Variants in RNF157 observed in about 807,000 individuals in gnomAD.
The protein encoded by RNF157 is E3 ubiquitin ligase RNF157.
In RNF157, 55 loss-of-function variants were observed where a neutral mutation model predicts 88.3. The ratio of observed to expected loss-of-function variants is 0.62; its 90% confidence interval spans 0.50 to 0.78. The LOEUF (loss-of-function observed/expected upper bound fraction) is 0.78. Ranked by LOEUF, RNF157 falls within the 30% of genes least tolerant of loss-of-function variation. The pLI is 0.00. For missense variants in RNF157, 788 were observed against 860.8 expected (o/e 0.92, Z 1.06); for synonymous variants, 334 against 341.2 (o/e 0.98, Z 0.23).
At chr17:76,239,995 C>T (rs2070350908) in intron 1 of RNF157, among the ~76,000 whole-genome samples, 158 bp downstream of exon 1, 1 of 151,980 alleles carries the variant, frequency 6.6e-6, no homozygotes, top group Non-Finnish European at 1.5e-5. Context: ...GGGGAGACCT[C>T]GGCCTTCTCG....
In RNF157 at chr17:76,161,275, G is replaced by A. The variant is rs2068840544; in HGVS notation, c.1065+260C>T. 6.6e-6 allele frequency among the ~76,000 whole-genome samples: 1 copy of A among 152,140 alleles called. No individual in the cohort carries two copies. The highest frequency in any genetic ancestry group is 1.5e-5 in the Non-Finnish European group (1 of 68,034). ...AGTTCAAGTTGAACCTCACTGGAGT[G>A]AAACTGCAAGCAGATGGCTCTAGGA... On this transcript the variant is annotated intron_variant, in intron 11 of 18. Coordinates refer to ENST00000269391, the MANE Select transcript of RNF157 (RefSeq NM_052916.3). This position sits in a 1 kb window ranked among gnomAD's most constrained non-coding sequence, Gnocchi z 4.6.
rs2068532119 is a variant in RNF157 at position 76,142,646 on chromosome 17, T to G, written c.*2589A>C. On this transcript the variant is annotated 3_prime_UTR_variant, in exon 19 of 19. Transcript: ENST00000269391. ...ACCAGGTGTGCAGACCAAAGCAAAG[T>G]GAGCGACCAGCGTGCTAAACTCCAG... 1 of 152,264 alleles carries G rather than the reference T, an allele frequency of 6.6e-6. No individual in the cohort carries two copies. The highest frequency in any genetic ancestry group is 1.5e-5 in the Non-Finnish European group (1 of 68,108). The allele number at this position is 152,264 out of a possible 1,614,324, so 9.4% of individuals were successfully genotyped here. A position where few individuals can be genotyped will look rare whatever the true frequency, so the allele number is the denominator to read the frequency against.
intron 17 of RNF157, among the ~76,000 whole-genome samples, chr17:76,152,910 A>C (rs537173885): frequency 9.0e-4 from 137 of 152,334 alleles, no homozygotes; most frequent in African/African-American, 3.1e-3. Flanking sequence ...CAAAATAAGT[A>C]CATGAAACAA....
chr17:76,235,100 C>T (rs181756947), intron 1 of RNF157, among the ~76,000 whole-genome samples: 6 of 152,114 alleles, frequency 3.9e-5, no homozygotes, highest in Admixed American at 2.0e-4. Flanking sequence ...AATAGGGTAG[C>T]GATAGTCCTC....
At chr17:76,154,482 G>A (rs2068731070) in intron 16 of RNF157, 154 bp from the exon 17 acceptor site, 1 of 652,614 alleles carries the variant, frequency 1.5e-6, no homozygotes, top group Non-Finnish European at 2.8e-6. Context: ...CTCAGAGGCT[G>A]AGTAGAGGCA....
intron 17 of RNF157, 48 bp from the exon 18 acceptor site, chr17:76,152,513 C>T (rs757814827): frequency 3.5e-5 from 38 of 1,090,704 alleles, no homozygotes; most frequent in Admixed American, 8.8e-5. Flanking sequence ...GTGTTTTTCT[C>T]TGCGTTGCTG....
At chr17:76,226,005 T>C in intron 1 of RNF157, 1 of 1,611,406 alleles carries the variant, frequency 6.2e-7, no homozygotes, top group Non-Finnish European at 8.5e-7. Flanking sequence ...GCTGCTACCA[T>C]CTTCTCTCCA....
At chr17:76,188,786 GA>G (rs1377087514) in intron 2 of RNF157, among the ~76,000 whole-genome samples, 4 of 152,170 alleles carry the variant, frequency 2.6e-5, no homozygotes, top group African/African-American at 9.7e-5. Context: ...GGCTTCTAAC[GA>G]ATACATCATG....
At chr17:76,167,613 C>G (rs780944374) in intron 4 of RNF157, 38 bp downstream of exon 4, 34 of 1,612,532 alleles carry the variant, frequency 2.1e-5, no homozygotes, top group African/African-American at 4.0e-5. Flanking sequence ...TGGTAATAAT[C>G]TGGGAAGGAA....
chr17:76,188,419 T>C (rs1468623027), intron 2 of RNF157, among the ~76,000 whole-genome samples: 1 of 152,174 alleles, frequency 6.6e-6, no homozygotes, highest in Non-Finnish European at 1.5e-5. Context: ...ATTTTCTGCA[T>C]TTCATTAAGA....
rs1326638908 is a variant in RNF157, at chr17:76,210,006, C to T, written c.207+2358G>A. Among the ~76,000 whole-genome samples the T allele has an allele frequency of 2.0e-5, 3 of 152,190 alleles. No individual in the cohort carries two copies. In the East Asian group the frequency reaches 5.9e-4, roughly 30 times the overall value. On this transcript the variant is annotated intron_variant, in intron 2 of 18. Coordinates refer to ENST00000269391, the MANE Select transcript of RNF157 (RefSeq NM_052916.3). Reference sequence around the variant, plus strand: ...ATCTCTTGACCTTGTGATCCGCCCGCCTCGGCCTCCCAGAGTGCTGGGATT... The same window carrying T: ...ATCTCTTGACCTTGTGATCCGCCCGTCTCGGCCTCCCAGAGTGCTGGGATT...
chr17:76,200,830 A>G (rs991308609), intron 2 of RNF157, among the ~76,000 whole-genome samples: 1 of 152,170 alleles, frequency 6.6e-6, no homozygotes, highest in East Asian at 1.9e-4. Flanking sequence ...TGAATCTCAT[A>G]CCATTTCGAA....
chr17:76,158,780 T>C (rs1043755746), intron 12 of RNF157, among the ~76,000 whole-genome samples: 3 of 152,068 alleles, frequency 2.0e-5, no homozygotes, highest in Non-Finnish European at 2.9e-5. Context: ...ACTAGGGAAA[T>C]AGAACCAGAG....
rs769851691 is a variant in RNF157 at position 76,194,838 on chromosome 17, A to AC, written c.207+17525dup. The stretch of plus-strand genomic sequence containing the variant: ...AGACCATCCTGGCTAACATGGTGAA[A>AC]CCCCGTCTCTACTAAAAATACAAAA... On this transcript the variant is annotated intron_variant, in intron 2 of 18. Coordinates refer to ENST00000269391, the MANE Select transcript of RNF157 (RefSeq NM_052916.3). Among the ~76,000 whole-genome samples the AC allele has an allele frequency of 2.7e-3, 408 of 152,236 alleles. 1 individual carries two copies. The highest frequency in any genetic ancestry group is 4.3e-3 in the Non-Finnish European group (292 of 68,004).
intron 2 of RNF157, among the ~76,000 whole-genome samples, chr17:76,196,108 C>T (rs1242754322): frequency 6.6e-6 from 1 of 152,232 alleles, no homozygotes; most frequent in Admixed American, 6.5e-5. Flanking sequence ...GGTAGCCCTG[C>T]TCTGCAGGAG....
In RNF157 at chr17:76,152,483, C is replaced by A; in HGVS notation, c.1811-18G>T. 1 of 1,511,018 alleles carries A rather than the reference C, an allele frequency of 6.6e-7. No individual in the cohort carries two copies. The highest frequency in any genetic ancestry group is 9.2e-7 in the Non-Finnish European group (1 of 1,086,134). 93.6% of individuals were successfully genotyped at this position (1,511,018 alleles called of 1,614,324 possible). On this transcript the variant is annotated intron_variant, in intron 17 of 18. Transcript: ENST00000269391. Reference sequence around the variant, plus strand: ...CCTCTGGCCTGTAACGGAGTTAATGCAGTTAGAGAGGGGCTGGCTGTGTTT... The same window carrying A: ...CCTCTGGCCTGTAACGGAGTTAATGAAGTTAGAGAGGGGCTGGCTGTGTTT...
rs1242525549 is a variant in RNF157, at chr17:76,146,600, G to A, written c.1922-1247C>T. The A allele has an allele frequency of 1.0e-6, 1 of 985,458 alleles. No individual in the cohort carries two copies. Among genetic ancestry groups the A allele is most frequent in the East Asian group, 1.1e-4 (1 of 8,816 alleles). 61.0% of individuals were successfully genotyped at this position (985,458 alleles called of 1,614,324 possible). The stretch of plus-strand genomic sequence containing the variant: ...GTGTCTCCCAGTGGCCTCCCCTCAC[G>A]AGGCATCTCTGGCCGGGGGAGGCCC... On this transcript the variant is annotated intron_variant, in intron 18 of 18. Transcript: ENST00000269391. The surrounding 1 kb of genome is among the most constrained non-coding windows in gnomAD (Gnocchi z 4.2).
At chr17:76,201,342 A>G (rs1197850312) in intron 2 of RNF157, among the ~76,000 whole-genome samples, 2 of 147,288 alleles carry the variant, frequency 1.4e-5, no homozygotes, top group African/African-American at 5.1e-5. Flanking sequence ...AAAAAAAAAG[A>G]GAAAAAGAAA....
At chr17:76,162,071 C>T in intron 9 of RNF157, 69 bp from the exon 10 acceptor site, 1 of 1,504,438 alleles carries the variant, frequency 6.6e-7, no homozygotes, top group Non-Finnish European at 9.1e-7. Context: ...ACTGACAAGG[C>T]AGCGTGGCTG....
Sources: gnomAD v4.1 joint callset for allele counts (sites outside exome capture counted in the v4.1 genomes callset) on GRCh38, gnomAD v4.1.1 for gene constraint, Gnocchi (gnomAD v3.1) non-coding constraint, MANE v1.5 for transcripts, NCBI Gene and HGNC (gene_info 2026-07-23, HGNC 2026-07-21) for gene names.